CSNK1G1: variants seen among roughly 807,000 people sequenced by gnomAD.
The protein encoded by CSNK1G1 is casein kinase I isoform gamma-1.
In CSNK1G1, 22 loss-of-function variants were observed where a neutral mutation model predicts 59.6. That is an observed-to-expected ratio of 0.37 (90% CI 0.26 to 0.53). The LOEUF is 0.53. Among genes scored for constraint, CSNK1G1 ranks in the 20% least tolerant of loss-of-function variants. The pLI is 0.89. For missense variants in CSNK1G1, 384 were observed against 519.5 expected, an observed-to-expected ratio of 0.74 and a Z score of 2.54; for synonymous variants, 179 against 177.1, an observed-to-expected ratio of 1.01 and a Z score of -0.08.
chr15:64,259,981 G>T (rs1017678714), intron 2 of CSNK1G1, among the ~76,000 whole-genome samples: 3 of 152,184 alleles, frequency 2.0e-5, no homozygotes, highest in African/African-American at 7.2e-5. Flanking sequence ...GAATGATGAT[G>T]AGGGCCAGAG....
intron 4 of CSNK1G1, among the ~76,000 whole-genome samples, chr15:64,242,919 G>A (rs1891547126): frequency 6.6e-6 from 1 of 152,136 alleles, no homozygotes; most frequent in African/African-American, 2.4e-5. Context: ...ATGCAAGAAT[G>A]ATTCAACATA....
intron 1 of CSNK1G1, among the ~76,000 whole-genome samples, chr15:64,305,709 CA>C (rs202161090): frequency 9.6e-6 from 1 of 104,362 alleles, no homozygotes; most frequent in Non-Finnish European, 2.0e-5. Context: ...AAAAAAAAAA[CA>C]AAAACAAAAA....
chr15:64,258,173 T>C (rs1223329386), intron 3 of CSNK1G1, among the ~76,000 whole-genome samples: 1 of 151,934 alleles, frequency 6.6e-6, no homozygotes, highest in Non-Finnish European at 1.5e-5. Context: ...TCCCAGCACT[T>C]TGGGAGGCCG....
intron 1 of CSNK1G1, among the ~76,000 whole-genome samples, chr15:64,345,699 T>A (rs1412237028): frequency 6.6e-6 from 1 of 152,218 alleles, no homozygotes; most frequent in Non-Finnish European, 1.5e-5. Context: ...TCGAGAACGT[T>A]AGGAAACTCT....
chr15:64,316,685 C>G (rs1233148574), intron 1 of CSNK1G1, among the ~76,000 whole-genome samples: 1 of 152,074 alleles, frequency 6.6e-6, no homozygotes, highest in Non-Finnish European at 1.5e-5. Flanking sequence ...ATGAAATTCA[C>G]AGGCAGACAG....
At chr15:64,310,967 T>C (rs1895962253) in intron 1 of CSNK1G1, among the ~76,000 whole-genome samples, 1 of 138,908 alleles carries the variant, frequency 7.2e-6, no homozygotes, top group South Asian at 2.3e-4. Flanking sequence ...ATCGCACCAC[T>C]GCACTCCAGC....
intron 2 of CSNK1G1, among the ~76,000 whole-genome samples, chr15:64,293,792 G>A (rs1400736852): frequency 6.6e-6 from 1 of 152,046 alleles, no homozygotes; most frequent in Non-Finnish European, 1.5e-5. Flanking sequence ...GTGCATGTGA[G>A]GGATCTAGCC....
intron 1 of CSNK1G1, among the ~76,000 whole-genome samples, chr15:64,316,590 A>G (rs1281562323): frequency 6.6e-6 from 1 of 151,922 alleles, no homozygotes; most frequent in African/African-American, 2.4e-5. Context: ...CTTGTCTATC[A>G]TAAAGGGAGG....
intron 2 of CSNK1G1, among the ~76,000 whole-genome samples, chr15:64,268,019 T>A (rs568127194): frequency 1.3e-5 from 2 of 152,246 alleles, no homozygotes; most frequent in South Asian, 2.1e-4. Context: ...GAAACCAGTA[T>A]GCCAAAAAGA....
rs1352560788 is a variant in CSNK1G1 at position 64,214,566 on chromosome 15, A to G, written c.445-442T>C. On this transcript the variant is annotated intron_variant, in intron 5 of 11. Coordinates refer to ENST00000303052, the MANE Select transcript of CSNK1G1 (RefSeq NM_022048.5). This position sits in a 1 kb window ranked among gnomAD's most constrained non-coding sequence, Gnocchi z 4.3. ...TTCTTATGCTTATTTGGACAAGACT[A>G]CCCAACCCAGTTTTCGATGTTGTGA... Among the ~76,000 whole-genome samples, 1 of 152,124 alleles carries G rather than the reference A, an allele frequency of 6.6e-6. No homozygotes were observed. Among genetic ancestry groups the G allele is most frequent in the East Asian group, 1.9e-4 (1 of 5,200 alleles).
At chr15:64,184,874 A>G (rs2081870155) in intron 10 of CSNK1G1, among the ~76,000 whole-genome samples, 1 of 152,108 alleles carries the variant, frequency 6.6e-6, no homozygotes, top group Admixed American at 6.6e-5. Context: ...AGGAGTCTCA[A>G]TAATTTGGGT....
At chr15:64,239,257 A>G (rs1190308378) in intron 4 of CSNK1G1, among the ~76,000 whole-genome samples, 2 of 152,224 alleles carry the variant, frequency 1.3e-5, no homozygotes, top group Non-Finnish European at 2.9e-5. Flanking sequence ...AAAATATGAC[A>G]CCACCAAAGA....
chr15:64,177,108 A>C (rs747207382), intron 11 of CSNK1G1, among the ~76,000 whole-genome samples: 1 of 152,238 alleles, frequency 6.6e-6, no homozygotes, highest in Admixed American at 6.5e-5. Flanking sequence ...TTCGTTTTGT[A>C]CACAGAACAA....
At chr15:64,173,658 T>A (rs562035207) in intron 11 of CSNK1G1, among the ~76,000 whole-genome samples, 1 of 146,094 alleles carries the variant, frequency 6.8e-6, no homozygotes, top group Non-Finnish European at 1.5e-5. Context: ...AGTCTCACTC[T>A]GTCGCTCAGG....
At chr15:64,340,920 G>A (rs550751340) in intron 1 of CSNK1G1, among the ~76,000 whole-genome samples, 3 of 152,172 alleles carry the variant, frequency 2.0e-5, no homozygotes, top group African/African-American at 4.8e-5. Flanking sequence ...ATCACACCAC[G>A]GCACTCCAAC....
At chr15:64,219,779 T>TTTC (rs974014649) in intron 4 of CSNK1G1, among the ~76,000 whole-genome samples, 6 of 146,612 alleles carry the variant, frequency 4.1e-5, no homozygotes, top group African/African-American at 1.2e-4. Flanking sequence ...TTTCTTTTCT[T>TTTC]TTTTTTTTTT....
chr15:64,332,013 G>A (rs918251187), intron 1 of CSNK1G1, among the ~76,000 whole-genome samples: 3 of 151,854 alleles, frequency 2.0e-5, no homozygotes, highest in Admixed American at 6.6e-5. Context: ...TCATTAAAAA[G>A]TCAGGAAACA....
rs574171736 is a variant in CSNK1G1, at chr15:64,188,890, G to T, written c.1108-8436C>A. ...CGCCTATAATCTCAGCACTTTGGGA[G>T]GCCAAGGTGGGCGGATCACGAGGTC... On this transcript the variant is annotated intron_variant, in intron 10 of 11. Coordinates refer to ENST00000303052, the MANE Select transcript of CSNK1G1 (RefSeq NM_022048.5). This position sits in a 1 kb window ranked among gnomAD's most constrained non-coding sequence, Gnocchi z 4.2. Among the ~76,000 whole-genome samples the T allele has an allele frequency of 6.6e-6, 1 of 152,324 alleles. No individual in the cohort carries two copies. The highest frequency in any genetic ancestry group is 1.9e-4 in the East Asian group (1 of 5,176).
At chr15:64,290,063 G>A (rs1485420207) in intron 2 of CSNK1G1, among the ~76,000 whole-genome samples, 1 of 152,080 alleles carries the variant, frequency 6.6e-6, no homozygotes, top group Non-Finnish European at 1.5e-5. Flanking sequence ...AAAAATAAAA[G>A]ATGTTGGCAT....
Sources: allele counts gnomAD v4.1 joint callset (sites outside exome capture counted in the v4.1 genomes callset), GRCh38; gene constraint gnomAD v4.1.1; non-coding constraint Gnocchi (gnomAD v3.1); transcripts MANE v1.5; gene names NCBI Gene and HGNC (gene_info 2026-07-23, HGNC 2026-07-21).